The following PTPRF variants were observed in gnomAD, a reference collection of about 807,000 sequenced individuals.
PTPRF encodes the protein receptor-type tyrosine-protein phosphatase F.
Under a neutral mutation model 201.8 loss-of-function variants are expected in PTPRF, and 59 were observed. That is an observed-to-expected ratio of 0.29 (90% confidence interval 0.24 to 0.36). The LOEUF (loss-of-function observed/expected upper bound fraction) is 0.36. Among genes scored for constraint, PTPRF ranks in the 10% least tolerant of loss-of-function variants. The probability of loss-of-function intolerance (pLI) is 1.00; values close to 1 mark genes in which losing one functional copy is unlikely to be tolerated. For missense variants in PTPRF, 2,132 were observed against 2,690.5 expected, an observed-to-expected ratio of 0.79 and a Z score of 4.59; for synonymous variants, 1,088 against 1,089.7, an observed-to-expected ratio of 1.00 and a Z score of 0.03.
chr1:43,585,018 C>G (rs961640053), intron 7 of PTPRF, among the ~76,000 whole-genome samples: 1 of 152,170 alleles, frequency 6.6e-6, no homozygotes, highest in Non-Finnish European at 1.5e-5. Flanking sequence ...TGGCAGGGCC[C>G]TGTTTTGGAA....
At position 43,592,713 on chromosome 1, in the gene PTPRF, G is replaced by A. The variant is rs558747568; in HGVS notation, c.1813+112G>A. 3 of 1,276,646 alleles carry A rather than the reference G, an allele frequency of 2.3e-6. 1 individual carries two copies. The highest frequency in any genetic ancestry group is 3.6e-5 in the South Asian group (2 of 55,814). The allele number at this position is 1,276,646 out of a possible 1,614,324, so 79.1% of individuals were successfully genotyped here. On this transcript the variant is annotated intron_variant, in intron 11 of 33. Transcript: ENST00000359947. ...GCAGGTGGGGTGGTCAGGTCTGCTG[G>A]CCAAACCGAACTCTGGCCTGGGCTC...
Position 43,617,459 on chromosome 1 carries a change from A to G in PTPRF, c.4086A>G (p.Gly1362=). Reference sequence around the variant, plus strand: ...ATTCTCTGCAGTCCATCGACCCTGGACAGCAGTTCACGTGGGAGAATTCAA... The same window carrying G: ...ATTCTCTGCAGTCCATCGACCCTGGGCAGCAGTTCACGTGGGAGAATTCAA... ...FSQEYESIDP[G]QQFTWENSNL... is the part of the protein sequence containing the mutation. The change falls in exon 24 of 34, where the codon GGA becomes GGG. Residue 1362 remains glycine (G), a synonymous_variant. Coordinates refer to ENST00000359947, the MANE Select transcript of PTPRF (RefSeq NM_002840.5). 6.2e-7 allele frequency: 1 copy of G among 1,614,156 alleles called. No individual in the cohort carries two copies. Among genetic ancestry groups the G allele is most frequent in the Non-Finnish European group, 8.5e-7 (1 of 1,180,016 alleles).
intron 5 of PTPRF, among the ~76,000 whole-genome samples, chr1:43,556,500 G>A (rs994025074): frequency 1.3e-5 from 2 of 152,106 alleles, no homozygotes; most frequent in Admixed American, 6.5e-5. Context: ...GACCTCGCCC[G>A]CCTTGGCCTC....
chr1:43,551,288 G>C (rs571089577), intron 3 of PTPRF, among the ~76,000 whole-genome samples: 155 of 151,980 alleles, frequency 1.0e-3, no homozygotes, highest in African/African-American at 3.6e-3. Context: ...CACGGTATGG[G>C]GGTGGGGGAC....
intron 5 of PTPRF, among the ~76,000 whole-genome samples, chr1:43,562,487 C>T (rs921423371): frequency 2.6e-5 from 4 of 151,954 alleles, no homozygotes; most frequent in Non-Finnish European, 5.9e-5. Flanking sequence ...CTCACTGCAA[C>T]CTCTGCCTCC....
At position 43,620,484 on chromosome 1, in the gene PTPRF, C is replaced by T. The variant is rs757017636; in HGVS notation, c.5269C>T (p.Arg1757Cys). The T allele has an allele frequency of 1.9e-6, 3 of 1,612,966 alleles. No homozygotes were observed. The highest frequency in any genetic ancestry group is 1.7e-5 in the Admixed American group (1 of 59,990). The change falls in exon 31 of 34, where the codon CGC becomes TGC. Residue 1757 changes from arginine (R) to cysteine (C), a missense_variant. By Grantham distance (180) the Arg-to-Cys change is radical. Coordinates refer to ENST00000359947, the MANE Select transcript of PTPRF (RefSeq NM_002840.5). ...ATGCCACCAGTACTGGCCAGCAGAG[C>T]GCTCTGCTCGCTACCAGTACTTTGT... ...EKCHQYWPAE[R>C]SARYQYFVVD...
rs767437464 is a variant in PTPRF at position 43,618,704 on chromosome 1, A to C, written c.4446A>C (p.Thr1482=). 2.5e-6 allele frequency: 4 copies of C among 1,612,010 alleles called. No individual in the cohort carries two copies. In the Admixed American group the frequency reaches 6.7e-5, roughly 27 times the overall value. ...CGLIQVTLLD[T]VELATYTVRT... is the part of the protein sequence containing the mutation. ...TTATTCAGGTGACCCTGTTGGACAC[A>C]GTGGAGCTGGCCACATACACTGTGC... is the stretch of plus-strand genomic sequence containing the variant. The change falls in exon 26 of 34, where the codon ACA becomes ACC. Residue 1482 remains threonine (T), a synonymous_variant. Transcript: ENST00000359947.
intron 6 of PTPRF, among the ~76,000 whole-genome samples, chr1:43,573,496 G>A (rs536568975): frequency 2.0e-5 from 3 of 152,304 alleles, no homozygotes; most frequent in Admixed American, 6.5e-5. Context: ...GAGGCCCGTG[G>A]GTGGGACGCA....
chr1:43,609,355 C>T (rs1207182329), intron 21 of PTPRF, 28 bp from the exon 22 acceptor site: 3 of 1,594,994 alleles, frequency 1.9e-6, no homozygotes, highest in South Asian at 2.2e-5. Flanking sequence ...ACCTCAGGTT[C>T]TCACCAGCCT....
rs1655912660 is a variant in PTPRF at position 43,609,399 on chromosome 1, C to A, written c.3874C>A (p.Pro1292Thr). ...LLFKRKRTHS[P>T]SSKDEQSIGL... is the part of the protein sequence containing the mutation. ...TCTCTCTAGGAAAAGGACCCACTCT[C>A]CGTCCTCTAAGGATGAGCAGTCGAT... The change falls in exon 22 of 34, where the codon CCG (proline) becomes ACG (threonine). Residue 1292 changes from proline to threonine, a missense_variant. Physicochemically the swap from Pro to Thr is conservative, Grantham distance 38. Coordinates refer to ENST00000359947, the MANE Select transcript of PTPRF (RefSeq NM_002840.5). 3 of 1,614,010 alleles carry A rather than the reference C, an allele frequency of 1.9e-6. No individual in the cohort carries two copies. The highest frequency in any genetic ancestry group is 2.5e-6 in the Non-Finnish European group (3 of 1,179,956).
At chr1:43,540,889 T>C (rs898843342) in intron 2 of PTPRF, among the ~76,000 whole-genome samples, 3 of 152,262 alleles carry the variant, frequency 2.0e-5, no homozygotes, top group Admixed American at 6.5e-5. Flanking sequence ...GTTGGTTTGG[T>C]GAGAGCTGGA....
chr1:43,619,970 G>A, intron 29 of PTPRF, 112 bp downstream of exon 29: 1 of 1,562,658 alleles, frequency 6.4e-7, no homozygotes, highest in East Asian at 2.2e-5. Context: ...AGAGGGCTGG[G>A]TAGAGCAGTG....
rs1658748817 is a variant in PTPRF at position 43,619,764 on chromosome 1, A to C, written c.5017A>C (p.Ile1673Leu). 5 of 1,614,132 alleles carry C rather than the reference A, an allele frequency of 3.1e-6. No individual in the cohort carries two copies. The South Asian group carries it at 3.3e-5, about 11-fold the overall frequency. ...CAAGTTCAAGAACCGGCTGGTGAAC[A>C]TCATGCCCTACGAATTGACCCGTGT... ...CNKFKNRLVNIMPYELTRVCL... is the reference protein window; with the variant it reads ...CNKFKNRLVNLMPYELTRVCL... Residue 1673 changes from isoleucine to leucine, a missense_variant, in exon 29 of 34, where the codon ATC (isoleucine) becomes CTC (leucine). Around this residue, in one of 6 missense-constraint regions of PTPRF, gnomAD observed 519 missense variants for 659.5 expected, o/e 0.79. Coordinates refer to ENST00000359947, the MANE Select transcript of PTPRF (RefSeq NM_002840.5).
At position 43,591,916 on chromosome 1, in the gene PTPRF, G is replaced by A; in HGVS notation, c.1636G>A (p.Val546Met). The change falls in exon 10 of 34, where the codon GTG becomes ATG. Residue 546 changes from valine (V) to methionine (M), a missense_variant. Physicochemically the swap from Val to Met is conservative, Grantham distance 21. Around this residue, in one of 6 missense-constraint regions of PTPRF, gnomAD observed 351 missense variants for 401.7 expected, o/e 0.87. Transcript: ENST00000359947. ...GGAGCGGATCATCATGTATGAACTG[G>A]TGTACTGGGCGGCAGAGGACGAAGA... ...PQERIIMYEL[V>M]YWAAEDEDQQ... 1.9e-6 allele frequency: 3 copies of A among 1,613,700 alleles called. No individual in the cohort carries two copies. Among genetic ancestry groups the A allele is most frequent in the Non-Finnish European group, 2.5e-6 (3 of 1,180,020 alleles).
At chr1:43,593,185 A>G (rs1237082784) in intron 11 of PTPRF, among the ~76,000 whole-genome samples, 1 of 139,548 alleles carries the variant, frequency 7.2e-6, no homozygotes, top group African/African-American at 2.4e-5. Flanking sequence ...GACTGTCTGC[A>G]AGGCTGTCTG....
intron 22 of PTPRF, chr1:43,612,819 C>T (rs779890247): frequency 1.0e-5 from 14 of 1,361,802 alleles, no homozygotes; most frequent in East Asian, 4.6e-5. Flanking sequence ...TCAAAGTTCC[C>T]GTGTTTGGGG....
chr1:43,532,273 C>T (rs554247451), intron 1 of PTPRF, among the ~76,000 whole-genome samples: 12 of 152,324 alleles, frequency 7.9e-5, no homozygotes, highest in Admixed American at 2.6e-4. Context: ...AGCCCCCCTG[C>T]CCCCCAGTGC....
intron 3 of PTPRF, among the ~76,000 whole-genome samples, chr1:43,548,707 G>C (rs534906868): frequency 6.6e-6 from 1 of 152,132 alleles, no homozygotes; most frequent in African/African-American, 2.4e-5. Context: ...GGGCTCCAGG[G>C]GGGTACCAGG....
chr1:43,612,866 T>C, intron 22 of PTPRF: 1 of 1,262,634 alleles, frequency 7.9e-7, no homozygotes, highest in Non-Finnish European at 1.1e-6. Flanking sequence ...CACTCCTTAC[T>C]TTTGTTTACC....
Sources: gnomAD v4.1 joint callset for allele counts (sites outside exome capture counted in the v4.1 genomes callset) on GRCh38, gnomAD v4.1.1 for gene constraint, gnomAD v4.1.1 regional missense constraint, MANE v1.5 for transcripts, NCBI Gene and HGNC (gene_info 2026-07-23, HGNC 2026-07-21) for gene names.